TMEM117: variants seen among roughly 807,000 people sequenced by gnomAD.
The protein encoded by TMEM117 is transmembrane protein 117.
In TMEM117, 27 loss-of-function variants were observed where a neutral mutation model predicts 52.4. That is an observed-to-expected ratio of 0.51 (90% CI 0.38 to 0.71). The LOEUF (loss-of-function observed/expected upper bound fraction) is 0.71, where lower values mean the gene tolerates loss of function less well. Ranked by LOEUF, TMEM117 falls within the 30% of genes least tolerant of loss-of-function variation. TMEM117 has a pLI of 0.00. For missense variants in TMEM117, 556 were observed against 630.5 expected, an observed-to-expected ratio of 0.88 and a Z score of 1.26; for synonymous variants, 215 against 206.3, an observed-to-expected ratio of 1.04 and a Z score of -0.36.
intron 2 of TMEM117, among the ~76,000 whole-genome samples, chr12:43,881,894 A>AACCCCATC (rs2137452577): frequency 6.6e-6 from 1 of 151,132 alleles, no homozygotes; most frequent in Non-Finnish European, 1.5e-5. Flanking sequence ...AACACAGTGA[A>AACCCCATC]ACCCCATCTC....
chr12:43,849,545 A>T (rs765425102), intron 2 of TMEM117, among the ~76,000 whole-genome samples: 15 of 152,352 alleles, frequency 9.8e-5, no homozygotes, highest in Non-Finnish European at 1.5e-4. Flanking sequence ...TGGTATAAGT[A>T]ATCAGCCCTG....
At chr12:43,805,193 G>A in the TMEM117 span, among the ~76,000 whole-genome samples, 3 of 152,150 alleles carry the variant, frequency 2.0e-5, no homozygotes, top group African/African-American at 7.2e-5. Flanking sequence ...TCGTTCCTGT[G>A]TTGTCTATTA....
the TMEM117 span, among the ~76,000 whole-genome samples, chr12:43,808,285 G>A: frequency 6.6e-6 from 1 of 152,156 alleles, no homozygotes. Context: ...TTTCCAAATT[G>A]ACAGGGTTGT....
chr12:44,111,803 G>T (rs1295373007), intron 3 of TMEM117, among the ~76,000 whole-genome samples: 1 of 140,822 alleles, frequency 7.1e-6, no homozygotes, highest in African/African-American at 3.0e-5. Context: ...CGTTGACAGT[G>T]GGGTGTTAAA....
chr12:44,362,671 T>C (rs1011879225), intron 6 of TMEM117, among the ~76,000 whole-genome samples: 5 of 151,936 alleles, frequency 3.3e-5, no homozygotes, highest in Admixed American at 2.0e-4. Context: ...GCAAGATCTA[T>C]TTTCAATGAA....
chr12:43,978,462 G>A (rs1945708750), intron 3 of TMEM117, among the ~76,000 whole-genome samples: 1 of 152,152 alleles, frequency 6.6e-6, no homozygotes, highest in African/African-American at 2.4e-5. Flanking sequence ...CTGAATGTTA[G>A]TAAGTCCAGA....
At chr12:44,015,907 A>G (rs1477826661) in intron 3 of TMEM117, among the ~76,000 whole-genome samples, 1 of 152,208 alleles carries the variant, frequency 6.6e-6, no homozygotes, top group Non-Finnish European at 1.5e-5. Flanking sequence ...ATTTAAGAAA[A>G]TTTTGATGTA....
At chr12:43,904,632 C>T (rs1413885754) in intron 2 of TMEM117, among the ~76,000 whole-genome samples, 4 of 152,120 alleles carry the variant, frequency 2.6e-5, no homozygotes, top group Non-Finnish European at 4.4e-5. Context: ...AATAGCACTA[C>T]ATTGATCTGT....
intron 4 of TMEM117, among the ~76,000 whole-genome samples, chr12:44,210,498 G>T (rs1949631236): frequency 6.6e-6 from 1 of 151,986 alleles, no homozygotes; most frequent in Admixed American, 6.6e-5. Flanking sequence ...CAAATATTTT[G>T]GTCTAGTATA....
intron 4 of TMEM117, among the ~76,000 whole-genome samples, chr12:44,202,581 C>A (rs938258117): frequency 3.9e-5 from 6 of 152,152 alleles, no homozygotes; most frequent in African/African-American, 1.4e-4. Context: ...GTATGTTCAT[C>A]AGGGATACTG....
intron 3 of TMEM117, among the ~76,000 whole-genome samples, chr12:44,076,021 G>A (rs927998063): frequency 3.3e-5 from 5 of 152,094 alleles, no homozygotes; most frequent in African/African-American, 7.2e-5. Flanking sequence ...TGAGGACTTC[G>A]GAGAGCCAAT....
chr12:44,130,567 A>G (rs563605583), intron 3 of TMEM117, among the ~76,000 whole-genome samples: 4 of 152,276 alleles, frequency 2.6e-5, no homozygotes, highest in South Asian at 2.1e-4. Flanking sequence ...TCTGAGAACT[A>G]TCCAGGCTTC....
At chr12:44,242,284 C>T (rs960475260) in intron 5 of TMEM117, among the ~76,000 whole-genome samples, 6 of 151,704 alleles carry the variant, frequency 4.0e-5, no homozygotes, top group Admixed American at 2.6e-4. Context: ...ACTCCACATC[C>T]TCCTCCTACC....
At chr12:44,075,064 A>G (rs1194880846) in intron 3 of TMEM117, among the ~76,000 whole-genome samples, 1 of 152,180 alleles carries the variant, frequency 6.6e-6, no homozygotes, top group Non-Finnish European at 1.5e-5. Flanking sequence ...TGCTTTCTCC[A>G]TAGTGGTAAG....
At chr12:44,182,280 T>C (rs61616378) in intron 4 of TMEM117, among the ~76,000 whole-genome samples, 1,664 of 152,264 alleles carry the variant, frequency 0.011, 36 homozygotes, top group African/African-American at 0.037. Flanking sequence ...TTTCTAGATA[T>C]ACAATCATGT....
intron 3 of TMEM117, among the ~76,000 whole-genome samples, chr12:43,974,282 A>T (rs923864159): frequency 2.0e-5 from 3 of 152,178 alleles, no homozygotes; most frequent in African/African-American, 7.2e-5. Context: ...CTCTAGTTGA[A>T]TCCCAATATT....
chr12:44,223,354 C>G (rs925490955), intron 5 of TMEM117, among the ~76,000 whole-genome samples: 4 of 151,858 alleles, frequency 2.6e-5, no homozygotes, highest in African/African-American at 9.7e-5. Flanking sequence ...GCATTATCAT[C>G]CCAGTGTTTC....
chr12:44,157,311 A>T (rs1212005129), intron 4 of TMEM117, among the ~76,000 whole-genome samples: 1 of 152,088 alleles, frequency 6.6e-6, no homozygotes, highest in African/African-American at 2.4e-5. Context: ...TACTTAGAGG[A>T]TATGGCTGTG....
At chr12:44,226,511 G>GTGTGTGTGTGTGTGTGTA (rs1283422957) in intron 5 of TMEM117, among the ~76,000 whole-genome samples, 1 of 151,928 alleles carries the variant, frequency 6.6e-6, no homozygotes, top group East Asian at 1.9e-4. Context: ...ATGTGTGTGT[G>GTGTGTGTGTGTGTGTGTA]TGTGTGTGTG....
Sources: gnomAD v4.1 joint callset for allele counts (sites outside exome capture counted in the v4.1 genomes callset) on GRCh38, gnomAD v4.1.1 for gene constraint, MANE v1.5 for transcripts, NCBI Gene and HGNC (gene_info 2026-07-23, HGNC 2026-07-21) for gene names.